Variants in PTPRT observed in about 807,000 individuals in gnomAD.
PTPRT encodes protein tyrosine phosphatase receptor type T.
PTPRT carries 56 observed loss-of-function variants against 176.8 expected under a neutral mutation model. That is an observed-to-expected ratio of 0.32 (90% CI 0.26 to 0.40). The LOEUF is 0.40. Ranked by LOEUF, PTPRT falls within the 10% of genes least tolerant of loss-of-function variation. The pLI, the probability that PTPRT is intolerant of heterozygous loss-of-function variation, is 1.00. For synonymous variants in PTPRT, 783 were observed against 739.0 expected, an observed-to-expected ratio of 1.06 and a Z score of -0.96; for missense variants, 1,540 against 1,908.2, an observed-to-expected ratio of 0.81 and a Z score of 3.60.
chr20:42,167,872 C>T (rs1377949217), intron 16 of PTPRT, among the ~76,000 whole-genome samples: 1 of 152,162 alleles, frequency 6.6e-6, no homozygotes, highest in Non-Finnish European at 1.5e-5. Context: ...GTTAGGGGAA[C>T]CAACCCTCTG....
At chr20:42,654,580 T>A (rs768160346) in intron 7 of PTPRT, among the ~76,000 whole-genome samples, 1 of 152,240 alleles carries the variant, frequency 6.6e-6, no homozygotes, top group African/African-American at 2.4e-5. Context: ...CAGACTGCAC[T>A]ACGTCCAACA....
intron 1 of PTPRT, among the ~76,000 whole-genome samples, chr20:43,159,255 T>A (rs780304659): frequency 4.6e-5 from 7 of 152,168 alleles, no homozygotes; most frequent in Non-Finnish European, 8.8e-5. Context: ...CCACCAACCA[T>A]GCCATGAGAG....
chr20:42,349,463 G>A (rs145582920), intron 11 of PTPRT, among the ~76,000 whole-genome samples: 102 of 152,206 alleles, frequency 6.7e-4, no homozygotes, highest in African/African-American at 2.4e-3. Context: ...TCTCCACAAC[G>A]ACACACTGTA....
chr20:42,310,117 A>T (rs529552583), intron 12 of PTPRT, among the ~76,000 whole-genome samples: 1 of 152,160 alleles, frequency 6.6e-6, no homozygotes, highest in African/African-American at 2.4e-5. Flanking sequence ...AGTGAAAAAC[A>T]TGTTGGAATG....
chr20:42,501,501 C>G (rs1272446855), intron 7 of PTPRT, among the ~76,000 whole-genome samples: 1 of 152,092 alleles, frequency 6.6e-6, no homozygotes, highest in African/African-American at 2.4e-5. Flanking sequence ...TATTTACTTT[C>G]TATATACACC....
At chr20:42,958,434 G>T (rs964955815) in intron 1 of PTPRT, among the ~76,000 whole-genome samples, 3 of 132,378 alleles carry the variant, frequency 2.3e-5, no homozygotes, top group Non-Finnish European at 4.8e-5. Flanking sequence ...AGGAGGAAGG[G>T]AGGAAGGGTG....
At chr20:42,429,522 C>T (rs191859386) in intron 9 of PTPRT, among the ~76,000 whole-genome samples, 5 of 152,214 alleles carry the variant, frequency 3.3e-5, no homozygotes, top group Admixed American at 2.0e-4. Flanking sequence ...CCCTGCAAGG[C>T]GCTCTTTCAG....
intron 14 of PTPRT, among the ~76,000 whole-genome samples, chr20:42,247,650 T>C (rs1238328995): frequency 6.6e-6 from 1 of 152,184 alleles, no homozygotes; most frequent in African/African-American, 2.4e-5. Flanking sequence ...CTCTTTTGCC[T>C]GGGAGCAGGG....
chr20:42,265,387 C>T (rs1199183502), intron 13 of PTPRT, among the ~76,000 whole-genome samples: 1 of 152,182 alleles, frequency 6.6e-6, no homozygotes, highest in Non-Finnish European at 1.5e-5. Context: ...TGACTACTAA[C>T]AGTACTCTAT....
At chr20:42,999,699 T>G (rs895886934) in intron 1 of PTPRT, among the ~76,000 whole-genome samples, 1 of 151,802 alleles carries the variant, frequency 6.6e-6, no homozygotes, top group Non-Finnish European at 1.5e-5. Flanking sequence ...CCTAGCTACT[T>G]AGGAGGCTGA....
intron 16 of PTPRT, among the ~76,000 whole-genome samples, chr20:42,172,088 A>G (rs1990102157): frequency 6.6e-6 from 1 of 152,212 alleles, no homozygotes; most frequent in South Asian, 2.1e-4. Flanking sequence ...AAGAGAAAAA[A>G]GAAGGAATAT....
chr20:42,417,690 T>C (rs1233975144), intron 9 of PTPRT, among the ~76,000 whole-genome samples: 1 of 150,480 alleles, frequency 6.6e-6, no homozygotes, highest in East Asian at 1.9e-4. Flanking sequence ...ATGCCCAAGA[T>C]GAATGAATAA....
At chr20:42,566,438 G>A (rs562755780) in intron 7 of PTPRT, among the ~76,000 whole-genome samples, 6 of 152,162 alleles carry the variant, frequency 3.9e-5, no homozygotes, top group South Asian at 2.1e-4. Context: ...TGACTTTAAC[G>A]TTTTTAAGAG....
chr20:42,216,235 A>G (rs930843339), intron 15 of PTPRT, among the ~76,000 whole-genome samples: 2 of 150,970 alleles, frequency 1.3e-5, no homozygotes, highest in African/African-American at 5.0e-5. Flanking sequence ...TCAGTTGCCA[A>G]CTAGAAACAT....
chr20:43,107,779 G>A (rs987948658), intron 1 of PTPRT, among the ~76,000 whole-genome samples: 33 of 152,222 alleles, frequency 2.2e-4, no homozygotes, highest in Non-Finnish European at 4.7e-4. Context: ...TAACATAGCT[G>A]TGTGTGTGAA....
At chr20:42,115,497 C>G (rs534147473) in intron 21 of PTPRT, among the ~76,000 whole-genome samples, 182 bp from the exon 22 acceptor site, 30 of 152,316 alleles carry the variant, frequency 2.0e-4, no homozygotes, top group Middle Eastern at 3.4e-3. Flanking sequence ...TGCACAGGGC[C>G]AAGCTCACTC....
At chr20:42,291,840 A>G (rs73120061) in intron 12 of PTPRT, among the ~76,000 whole-genome samples, 11,170 of 152,220 alleles carry the variant, frequency 0.073, 434 homozygotes, top group Middle Eastern at 0.11. Flanking sequence ...GTTTTGGTCT[A>G]TATTTTAAGA....
At chr20:42,785,407 T>C (rs963105900) in intron 3 of PTPRT, among the ~76,000 whole-genome samples, 1 of 152,224 alleles carries the variant, frequency 6.6e-6, no homozygotes, top group Non-Finnish European at 1.5e-5. Flanking sequence ...TAGAATCATA[T>C]GTACAGGACC....
chr20:42,464,651 C>G (rs1310255902), intron 8 of PTPRT, among the ~76,000 whole-genome samples: 1 of 152,202 alleles, frequency 6.6e-6, no homozygotes, highest in African/African-American at 2.4e-5. Flanking sequence ...TGGTAAACAT[C>G]TCAAATGTAC....
Sources: allele counts gnomAD v4.1 joint callset (sites outside exome capture counted in the v4.1 genomes callset), GRCh38; gene constraint gnomAD v4.1.1; transcripts MANE v1.5; gene names NCBI Gene and HGNC (gene_info 2026-07-23, HGNC 2026-07-21).